The following PCDHA1 variants were observed in gnomAD, a reference collection of about 807,000 sequenced individuals.
PCDHA1 encodes the protein protocadherin alpha-1.
Under a neutral mutation model 61.3 loss-of-function variants are expected in PCDHA1, and 42 were observed. The ratio of observed to expected loss-of-function variants is 0.69; its 90% CI spans 0.54 to 0.89. PCDHA1 has a LOEUF of 0.89. PCDHA1 is among the 40% of genes least tolerant of loss of function. PCDHA1 has a pLI of 0.00. For missense variants in PCDHA1, 1,256 were observed against 1,235.3 expected (o/e 1.02, Z -0.25); for synonymous variants, 610 against 553.8 (o/e 1.10, Z -1.43).
At chr5:140,953,580 A>G (rs1053710021) in intron 1 of PCDHA1, among the ~76,000 whole-genome samples, 23 of 151,934 alleles carry the variant, frequency 1.5e-4, no homozygotes, top group Non-Finnish European at 2.4e-4. Context: ...CTCTCCCAAA[A>G]CTGCCTCCTT....
chr5:140,870,546 G>T, intron 1 of PCDHA1: 1 of 1,614,086 alleles, frequency 6.2e-7, no homozygotes, highest in Non-Finnish European at 8.5e-7. Flanking sequence ...CGCGGGACGC[G>T]GACGCGCAGG....
intron 1 of PCDHA1, among the ~76,000 whole-genome samples, chr5:140,906,376 C>T (rs1372120775): frequency 1.3e-5 from 2 of 152,166 alleles, no homozygotes; most frequent in Admixed American, 6.5e-5. Context: ...AATGCTATTA[C>T]ATAAAGTTAA....
intron 1 of PCDHA1, chr5:140,967,577 C>G (rs141338011): frequency 1.2e-6 from 2 of 1,614,016 alleles, no homozygotes; most frequent in Non-Finnish European, 1.7e-6. Flanking sequence ...GGAGGACTCA[C>G]CCCCAGGCAC....
intron 1 of PCDHA1, chr5:140,858,460 C>T (rs1395067215): frequency 6.6e-7 from 1 of 1,525,828 alleles, no homozygotes; most frequent in African/African-American, 1.4e-5. Context: ...TTTTCATTTT[C>T]CTTTTGTGCT....
At chr5:140,807,254 G>T in intron 1 of PCDHA1, 2 of 1,614,236 alleles carry the variant, frequency 1.2e-6, no homozygotes. Flanking sequence ...TCTCCTCGCA[G>T]CCTGGGAGGC....
At chr5:140,903,982 T>G (rs782635653) in intron 1 of PCDHA1, among the ~76,000 whole-genome samples, 5 of 152,232 alleles carry the variant, frequency 3.3e-5, no homozygotes, top group African/African-American at 4.8e-5. Flanking sequence ...CTATTCACAA[T>G]GTAACAGCTA....
At chr5:140,892,811 T>C (rs1554185379) in intron 1 of PCDHA1, among the ~76,000 whole-genome samples, 1 of 152,210 alleles carries the variant, frequency 6.6e-6, no homozygotes, top group Non-Finnish European at 1.5e-5. Context: ...TAACCATATT[T>C]ATCCTACAGT....
At chr5:140,921,287 A>C (rs1563045357) in intron 1 of PCDHA1, among the ~76,000 whole-genome samples, 1 of 152,210 alleles carries the variant, frequency 6.6e-6, no homozygotes. Flanking sequence ...AAAAAACCTC[A>C]AATTTGCTGA....
At chr5:140,829,578 A>G in intron 1 of PCDHA1, 1 of 1,612,330 alleles carries the variant, frequency 6.2e-7, no homozygotes, top group East Asian at 2.2e-5. Context: ...TCGCTGGTGG[A>G]GCGGCGGGTG....
chr5:140,853,332 G>A (rs2042712938), intron 1 of PCDHA1: 2 of 984,708 alleles, frequency 2.0e-6, no homozygotes, highest in African/African-American at 3.5e-5. Flanking sequence ...TATCTTTTGA[G>A]GTCATTAGCA....
chr5:140,834,695 C>A (rs2150224453), intron 1 of PCDHA1: 1 of 1,614,120 alleles, frequency 6.2e-7, no homozygotes, highest in Non-Finnish European at 8.5e-7. Context: ...AGTGCAGCAT[C>A]CACCTGGAGG....
intron 1 of PCDHA1, chr5:140,828,134 C>T (rs2150151262): frequency 1.9e-6 from 3 of 1,613,682 alleles, no homozygotes; most frequent in South Asian, 1.1e-5. Flanking sequence ...GCAATGTCTG[C>T]TCCTCCCGCT....
At chr5:140,965,973 G>A (rs1234636252) in intron 1 of PCDHA1, among the ~76,000 whole-genome samples, 6 of 152,194 alleles carry the variant, frequency 3.9e-5, no homozygotes, top group African/African-American at 1.4e-4. Flanking sequence ...TGCCCTAGGA[G>A]TTGAGCACTT....
chr5:140,805,158 C>T, intron 1 of PCDHA1: 1 of 1,551,850 alleles, frequency 6.4e-7, no homozygotes, highest in South Asian at 1.2e-5. Flanking sequence ...ATTTTCACTT[C>T]ACAGATGTAC....
chr5:140,886,844 A>AG lies in PCDHA1; in HGVS notation c.2395-92105_2395-92104insG, dbSNP rs1203919867. Among the ~76,000 whole-genome samples, 142 of 150,728 alleles carry AG rather than the reference A, an allele frequency of 9.4e-4. 2 individuals are homozygous for AG. Among genetic ancestry groups the AG allele is most frequent in the African/African-American group, 2.8e-3 (117 of 41,122 alleles). ...TTCGTCTTGAAAAAAAAAAAAAAAAAAAAGAAAGGTCTTCCCAACTCCTAT... is the reference window on the plus strand; with the variant it reads ...TTCGTCTTGAAAAAAAAAAAAAAAAAGAAAGAAAGGTCTTCCCAACTCCTAT... On this transcript the variant is annotated intron_variant, in intron 1 of 3. Coordinates refer to ENST00000504120, the MANE Select transcript of PCDHA1 (RefSeq NM_018900.4).
At chr5:140,836,901 A>G (rs1554136348) in intron 1 of PCDHA1, 1 of 593,604 alleles carries the variant, frequency 1.7e-6, no homozygotes, top group Non-Finnish European at 2.8e-6. Flanking sequence ...AAGTACGTTT[A>G]ATATACACTT....
rs189226531 is a variant in PCDHA1, at chr5:140,874,455, T to C, written c.2394+85771T>C. 5.3e-5 allele frequency among the ~76,000 whole-genome samples: 8 copies of C among 152,332 alleles called. No homozygotes were observed. The East Asian group carries it at 1.5e-3, about 29-fold the overall frequency. On this transcript the variant is annotated intron_variant, in intron 1 of 3. Coordinates refer to ENST00000504120, the MANE Select transcript of PCDHA1 (RefSeq NM_018900.4). ...CATGTCCTAACTACTAAATGACCTG[T>C]AGGGGAAGATTTAGAGAAAAAGCAA...
chr5:140,875,484 C>T (rs1442383636), intron 1 of PCDHA1: 2 of 1,611,246 alleles, frequency 1.2e-6, no homozygotes, highest in Non-Finnish European at 1.7e-6. Flanking sequence ...TGGTGATTAT[C>T]GGACCAAGAG....
intron 3 of PCDHA1, among the ~76,000 whole-genome samples, chr5:141,005,998 G>A (rs1289174174): frequency 1.3e-5 from 2 of 151,618 alleles, no homozygotes; most frequent in Non-Finnish European, 2.9e-5. Flanking sequence ...GGATCTGAAA[G>A]AAGGCCTGTA....
Sources: gnomAD v4.1 joint callset for allele counts (sites outside exome capture counted in the v4.1 genomes callset) on GRCh38, gnomAD v4.1.1 for gene constraint, MANE v1.5 for transcripts, NCBI Gene and HGNC (gene_info 2026-07-23, HGNC 2026-07-21) for gene names.